Variants in TENM3 observed in about 807,000 individuals in gnomAD.
TENM3 encodes the protein teneurin-3.
In TENM3, 63 loss-of-function variants were observed where a neutral mutation model predicts 255.1. The observed-to-expected ratio is 0.25, with a 90% CI of 0.20 to 0.30. The LOEUF is 0.30. Among genes scored for constraint, TENM3 ranks in the 10% least tolerant of loss-of-function variants. The pLI is 1.00. For missense variants in TENM3, 2,929 were observed against 3,461.1 expected (o/e 0.85, Z 3.86); for synonymous variants, 1,306 against 1,322.3 (o/e 0.99, Z 0.27).
intron 6 of TENM3, among the ~76,000 whole-genome samples, chr4:182,669,330 C>T (rs980763547): frequency 1.1e-4 from 17 of 152,008 alleles, no homozygotes; most frequent in Admixed American, 2.0e-4. Context: ...AGTGCAGTGG[C>T]GCGATCTCGG....
intron 3 of TENM3, among the ~76,000 whole-genome samples, chr4:182,476,448 C>T (rs1733691996): frequency 6.6e-6 from 1 of 151,932 alleles, no homozygotes; most frequent in Non-Finnish European, 1.5e-5. Flanking sequence ...TTTTTATTGT[C>T]AATGTTTTGA....
the TENM3 span, among the ~76,000 whole-genome samples, chr4:182,123,917 C>A: frequency 6.6e-6 from 1 of 152,076 alleles, no homozygotes; most frequent in East Asian, 1.9e-4. Context: ...ATAAGACCAC[C>A]AAGGGTTTTG....
At chr4:181,614,720 G>A in the TENM3 span, among the ~76,000 whole-genome samples, 1 of 152,156 alleles carries the variant, frequency 6.6e-6, no homozygotes, top group Admixed American at 6.6e-5. Context: ...GACTTCTATG[G>A]GCGATTTGCA....
chr4:182,280,569 A>G (rs1760316052), intron 1 of TENM3, among the ~76,000 whole-genome samples: 1 of 152,232 alleles, frequency 6.6e-6, no homozygotes, highest in African/African-American at 2.4e-5. Context: ...GACTCATGGC[A>G]TAAAAATAGA....
the TENM3 span, among the ~76,000 whole-genome samples, chr4:181,751,293 T>C: frequency 6.6e-6 from 1 of 152,068 alleles, no homozygotes; most frequent in Non-Finnish European, 1.5e-5. Context: ...AGTCCAGTCT[T>C]TTAACTCAAG....
chr4:181,503,394 C>A, the TENM3 span, among the ~76,000 whole-genome samples: 2 of 152,084 alleles, frequency 1.3e-5, no homozygotes, highest in African/African-American at 4.8e-5. Context: ...TAAATATGAT[C>A]ATTTATACAG....
intron 1 of TENM3, among the ~76,000 whole-genome samples, chr4:182,151,966 CTT>C (rs770339157): frequency 6.6e-6 from 1 of 151,914 alleles, no homozygotes; most frequent in Non-Finnish European, 1.5e-5. Flanking sequence ...ATAAGGCACT[CTT>C]AAAAGGATAT....
chr4:182,711,953 T>G (rs1392018765), intron 12 of TENM3, among the ~76,000 whole-genome samples: 2 of 152,146 alleles, frequency 1.3e-5, no homozygotes, highest in African/African-American at 4.8e-5. Context: ...AGCTTTAAAT[T>G]CTAAGCTAAA....
intron 1 of TENM3, among the ~76,000 whole-genome samples, chr4:182,277,950 C>A (rs549731836): frequency 2.0e-4 from 30 of 152,224 alleles, no homozygotes; most frequent in Non-Finnish European, 4.3e-4. Context: ...GGGACCCACT[C>A]CCTACCGCCC....
chr4:182,217,090 G>A (rs571263757), intron 1 of TENM3, among the ~76,000 whole-genome samples: 37 of 123,124 alleles, frequency 3.0e-4, no homozygotes, highest in African/African-American at 1.0e-3. Context: ...GTGTGATCTC[G>A]GCTCACTGCA....
chr4:182,796,762 A>G lies in TENM3; in HGVS notation c.7339A>G (p.Ile2447Val), dbSNP rs2152835832. The change falls in exon 27 of 28, where the codon ATA becomes GTA. Residue 2447 changes from isoleucine (I) to valine (V), a missense_variant. Coordinates refer to ENST00000511685, the MANE Select transcript of TENM3 (RefSeq NM_001080477.4). ...ELVKSQQWDD[I>V]PPIFGVQQQV... Reference sequence around the variant, plus strand: ...TGTGAAGAGTCAGCAGTGGGATGATATACCGGTAAGAAACAAAAAGACCTA... The same window carrying G: ...TGTGAAGAGTCAGCAGTGGGATGATGTACCGGTAAGAAACAAAAAGACCTA... 1 of 1,604,248 alleles carries G rather than the reference A, an allele frequency of 6.2e-7. No homozygotes were observed. The highest frequency in any genetic ancestry group is 8.5e-7 in the Non-Finnish European group (1 of 1,174,558).
At chr4:182,737,497 GCA>G (rs1761256695) in intron 17 of TENM3, among the ~76,000 whole-genome samples, 2 of 152,256 alleles carry the variant, frequency 1.3e-5, no homozygotes, top group South Asian at 4.1e-4. Flanking sequence ...TAACAGGATA[GCA>G]GACATTTGTG....
At chr4:181,969,880 T>C in the TENM3 span, among the ~76,000 whole-genome samples, 66 of 152,348 alleles carry the variant, frequency 4.3e-4, no homozygotes, top group African/African-American at 1.4e-3. Flanking sequence ...AGTATTTAAT[T>C]CGTTAACGTG....
At chr4:181,730,935 A>C in the TENM3 span, among the ~76,000 whole-genome samples, 11 of 152,220 alleles carry the variant, frequency 7.2e-5, no homozygotes, top group Admixed American at 7.2e-4. Context: ...AACAGTTTTC[A>C]GTATGGAAAA....
chr4:182,075,488 A>G, the TENM3 span, among the ~76,000 whole-genome samples: 20 of 152,174 alleles, frequency 1.3e-4, no homozygotes, highest in Admixed American at 4.6e-4. Context: ...ATGAGCCACC[A>G]CGCTCAGCCG....
chr4:181,479,536 C>G, the TENM3 span, among the ~76,000 whole-genome samples: 8 of 152,092 alleles, frequency 5.3e-5, no homozygotes, highest in Non-Finnish European at 5.9e-5. Flanking sequence ...GTCTTCCTTT[C>G]TCTTGGAAAA....
chr4:181,937,432 G>C, the TENM3 span, among the ~76,000 whole-genome samples: 1 of 152,208 alleles, frequency 6.6e-6, no homozygotes, highest in African/African-American at 2.4e-5. Flanking sequence ...AGAGGGGCAG[G>C]GCATCTAGGC....
At chr4:182,347,928 A>G (rs975619272) in intron 3 of TENM3, among the ~76,000 whole-genome samples, 3 of 152,238 alleles carry the variant, frequency 2.0e-5, no homozygotes, top group African/African-American at 7.2e-5. Context: ...TTTATCAATG[A>G]TATTTCAATT....
chr4:181,932,853 T>A, the TENM3 span, among the ~76,000 whole-genome samples: 1 of 152,198 alleles, frequency 6.6e-6, no homozygotes, highest in Admixed American at 6.5e-5. Context: ...AATGAGATCA[T>A]GTCCTTTCCA....
Sources: gnomAD v4.1 joint callset for allele counts (sites outside exome capture counted in the v4.1 genomes callset) on GRCh38, gnomAD v4.1.1 for gene constraint, MANE v1.5 for transcripts, NCBI Gene and HGNC (gene_info 2026-07-23, HGNC 2026-07-21) for gene names.